CEP152: variants seen among roughly 807,000 people sequenced by gnomAD.
CEP152 encodes centrosomal protein of 152 kDa.
Under a neutral mutation model 188.9 loss-of-function variants are expected in CEP152, and 132 were observed. The ratio of observed to expected loss-of-function variants is 0.70; its 90% confidence interval spans 0.61 to 0.81. CEP152 has a LOEUF of 0.81. Among genes scored for constraint, CEP152 ranks in the 30% least tolerant of loss-of-function variants. The pLI is 0.00. For synonymous variants in CEP152, 649 were observed against 666.6 expected, an observed-to-expected ratio of 0.97 and a Z score of 0.41; for missense variants, 1,914 against 1,969.8, an observed-to-expected ratio of 0.97 and a Z score of 0.54.
chr15:48,748,348 G>A (rs1461256811), intron 22 of CEP152, 95 bp downstream of exon 22: 6 of 1,307,504 alleles, frequency 4.6e-6, no homozygotes, highest in Non-Finnish European at 5.8e-6. Context: ...CCCAAAAGAG[G>A]ATCAGTGCAC....
At chr15:48,760,056 T>A (rs1449998094) in intron 19 of CEP152, 79 bp downstream of exon 19, 2 of 1,583,422 alleles carry the variant, frequency 1.3e-6, no homozygotes, top group Non-Finnish European at 1.7e-6. Context: ...TATGAGTAGG[T>A]ACAAATTCCA....
At position 48,767,390 on chromosome 15, in the gene CEP152, C is replaced by A; in HGVS notation, c.2092G>T (p.Ala698Ser). The stretch of plus-strand genomic sequence containing the variant: ...TCAAAGAGCTGCTGCTTCTCCAAAG[C>A]ATGCTTTGCTAATAGGCTTTCACGT... ...QIRESLLAKH[A>S]LEKQQLFEAY... The change falls in exon 16 of 27, where the codon GCT becomes TCT. Residue 698 changes from alanine (A) to serine (S), a missense_variant. Transcript: ENST00000380950. 6.2e-7 allele frequency: 1 copy of A among 1,614,198 alleles called. No homozygotes were observed. Among genetic ancestry groups the A allele is most frequent in the South Asian group, 1.1e-5 (1 of 91,082 alleles).
intron 1 of CEP152, among the ~76,000 whole-genome samples, chr15:48,809,668 G>A (rs189089667): frequency 1.4e-4 from 21 of 152,206 alleles, no homozygotes; most frequent in African/African-American, 4.8e-4. Flanking sequence ...AAAGAAATGG[G>A]GGTAAAAATA....
Position 48,738,579 on chromosome 15 carries a change from T to C in CEP152, c.4803A>G (p.Ile1601Met). The C allele has an allele frequency of 6.2e-7, 1 of 1,614,198 alleles. No individual in the cohort carries two copies. Among genetic ancestry groups the C allele is most frequent in the African/African-American group, 1.3e-5 (1 of 75,052 alleles). ...VHGRPQGTLE[I>M]PSESVKSKQF... ...GTTTGGATTTAACAGATTCACTTGG[T>C]ATTTCCAAAGTTCCTTGTGGCCTAC... is the stretch of plus-strand genomic sequence containing the variant. The change falls in exon 27 of 27, where the codon ATA becomes ATG. Residue 1601 changes from isoleucine (I) to methionine (M), a missense_variant. Ile to Met is a conservative substitution (Grantham distance 10). Coordinates refer to ENST00000380950, the MANE Select transcript of CEP152 (RefSeq NM_001194998.2).
intron 22 of CEP152, among the ~76,000 whole-genome samples, chr15:48,746,930 T>C (rs1810409304): frequency 6.6e-6 from 1 of 152,046 alleles, no homozygotes; most frequent in South Asian, 2.1e-4. Context: ...ATCAGGATGT[T>C]TTGGTGAAGG....
chr15:48,789,071 AACTTTT>A lies in CEP152; in HGVS notation c.973-76_973-71del. On this transcript the variant is annotated intron_variant, in intron 8 of 26. Transcript: ENST00000380950. ...GTATTTTAGCTCTGTGCTGTCTATA[AACTTTT>A]ACTTTTACTATAAAATAAAACTCAA... is the stretch of plus-strand genomic sequence containing the variant. The A allele has an allele frequency of 3.0e-6, 4 of 1,352,550 alleles. 1 individual carries two copies. Among genetic ancestry groups the A allele is most frequent in the South Asian group, 2.3e-5 (2 of 85,120 alleles). 83.8% of individuals were successfully genotyped at this position (1,352,550 alleles called of 1,614,324 possible). A position where few individuals can be genotyped will look rare whatever the true frequency, so the allele number is the denominator to read the frequency against.
chr15:48,738,504 A>T lies in CEP152; in HGVS notation c.4878T>A (p.Ile1626=). The change falls in exon 27 of 27, where the codon ATT becomes ATA. Residue 1626 remains isoleucine, a synonymous_variant. Transcript: ENST00000380950. ...AACGCTGACATTTCATTGTTTGACA[A>T]ATCATATTACTTTCCTCTGTATCTG... ...YLSDTEESNM[I]CQTMKCQRYQ... 6.2e-7 allele frequency: 1 copy of T among 1,614,196 alleles called. No homozygotes were observed. Among genetic ancestry groups the T allele is most frequent in the Middle Eastern group, 1.6e-4 (1 of 6,062 alleles).
Position 48,739,070 on chromosome 15 carries a change from CTT to C in CEP152, c.4310_4311del (p.Lys1437ArgfsTer12). The C allele has an allele frequency of 6.2e-7, 1 of 1,614,202 alleles. No individual in the cohort carries two copies. The highest frequency in any genetic ancestry group is 8.5e-7 in the Non-Finnish European group (1 of 1,180,026). On this transcript the variant is annotated frameshift_variant, in exon 27 of 27. Coordinates refer to ENST00000380950, the MANE Select transcript of CEP152 (RefSeq NM_001194998.2). LOFTEE classifies it low-confidence loss of function (END_TRUNC). ...EHQSIKHVGS[K>X]ETHLEFQFGD... The stretch of plus-strand genomic sequence containing the variant: ...CCAAACTGGAATTCCAAATGTGTCT[CTT>C]TGGATCCCACATGCTTTATGCTCTG...
chr15:48,805,465 T>C (rs1414322223), intron 2 of CEP152, 98 bp downstream of exon 2: 2 of 1,455,938 alleles, frequency 1.4e-6, no homozygotes, highest in African/African-American at 2.9e-5. Context: ...TCCAAATCCC[T>C]TCAAAATGAC....
chr15:48,767,006 T>A, intron 17 of CEP152, 54 bp downstream of exon 17: 1 of 1,604,584 alleles, frequency 6.2e-7, no homozygotes, highest in Non-Finnish European at 8.5e-7. Flanking sequence ...TAAATGATAA[T>A]ACTGAGGCTT....
At position 48,768,249 on chromosome 15, in the gene CEP152, A is replaced by T. The variant is rs369758476; in HGVS notation, c.1988T>A (p.Phe663Tyr). ...CNQMRQMVQD[F>Y]DHDKQEAVDR... ...CACAGCTTCTTGTTTGTCATGGTCAAAATCTTGTACCATTTGTCTCATTTG... is the reference window on the plus strand; with the variant it reads ...CACAGCTTCTTGTTTGTCATGGTCATAATCTTGTACCATTTGTCTCATTTG... The change falls in exon 15 of 27, where the codon TTT becomes TAT. Residue 663 changes from phenylalanine (F) to tyrosine (Y), a missense_variant. By Grantham distance (22) the Phe-to-Tyr change is conservative (BLOSUM62 3). Transcript: ENST00000380950. 5.6e-6 allele frequency: 9 copies of T among 1,611,818 alleles called. No individual in the cohort carries two copies. In the African/African-American group the frequency reaches 9.4e-5, roughly 17 times the overall value.
At chr15:48,772,314 G>C (rs536322494) in intron 13 of CEP152, among the ~76,000 whole-genome samples, 173 bp downstream of exon 13, 1 of 152,114 alleles carries the variant, frequency 6.6e-6, no homozygotes, top group Non-Finnish European at 1.5e-5. Context: ...AGGAGGCTGA[G>C]GTGGGAGCAT....
intron 9 of CEP152, among the ~76,000 whole-genome samples, chr15:48,787,053 G>A (rs943572204): frequency 6.6e-6 from 1 of 151,504 alleles, no homozygotes; most frequent in East Asian, 1.9e-4. Context: ...CCCTATGTTT[G>A]GCCAAAACTA....
At chr15:48,783,209 A>C (rs765910893) in intron 10 of CEP152, 23 of 152,164 alleles carry the variant, frequency 1.5e-4, no homozygotes, top group Non-Finnish European at 2.5e-4. Context: ...TGATCATTTT[A>C]TTGTTCTTTG....
chr15:48,777,881 A>G (rs1896021270), intron 12 of CEP152, among the ~76,000 whole-genome samples: 1 of 152,138 alleles, frequency 6.6e-6, no homozygotes, highest in African/African-American at 2.4e-5. Context: ...AGAGAGAGAA[A>G]GTGCTTGCTA....
At chr15:48,803,911 T>C (rs1897824009) in intron 2 of CEP152, among the ~76,000 whole-genome samples, 1 of 152,224 alleles carries the variant, frequency 6.6e-6, no homozygotes, top group Admixed American at 6.5e-5. Flanking sequence ...CCAAGCCCAG[T>C]CATGAATACC....
At chr15:48,806,991 G>A (rs79648587) in intron 1 of CEP152, among the ~76,000 whole-genome samples, 1 of 152,108 alleles carries the variant, frequency 6.6e-6, no homozygotes, top group Non-Finnish European at 1.5e-5. Context: ...ACAAGTTTTT[G>A]TTTTTCAAAG....
At chr15:48,775,293 TC>T (rs1895818541) in intron 12 of CEP152, among the ~76,000 whole-genome samples, 1 of 151,842 alleles carries the variant, frequency 6.6e-6, no homozygotes, top group South Asian at 2.1e-4. Context: ...ATTTATATAT[TC>T]AAGAAGCTCA....
chr15:48,796,289 TACACACACACACACAC>T (rs3074978), intron 5 of CEP152, 129 bp from the exon 6 acceptor site: 11 of 549,026 alleles, frequency 2.0e-5, no homozygotes, highest in Non-Finnish European at 3.3e-5. Flanking sequence ...TTTATATATA[TACACACACACACACAC>T]ACACACACAC....
Sources: allele counts gnomAD v4.1 joint callset (sites outside exome capture counted in the v4.1 genomes callset), GRCh38; gene constraint gnomAD v4.1.1; transcripts MANE v1.5; gene names NCBI Gene and HGNC (gene_info 2026-07-23, HGNC 2026-07-21).